Variants in PKNOX2 observed in about 807,000 individuals in gnomAD.
PKNOX2 encodes the protein homeobox protein PKNOX2.
Under a neutral mutation model 53.1 loss-of-function variants are expected in PKNOX2, and 14 were observed. That is an observed-to-expected ratio of 0.26 (90% CI 0.17 to 0.41). The LOEUF is 0.41. PKNOX2 is among the 10% of genes least tolerant of loss of function. The pLI, the probability that PKNOX2 is intolerant of heterozygous loss-of-function variation, is 1.00. For missense variants in PKNOX2, 496 were observed against 602.8 expected, an observed-to-expected ratio of 0.82 and a Z score of 1.85; for synonymous variants, 257 against 242.8, an observed-to-expected ratio of 1.06 and a Z score of -0.54.
At chr11:125,282,963 G>A (rs897783192) in intron 2 of PKNOX2, among the ~76,000 whole-genome samples, 3 of 152,070 alleles carry the variant, frequency 2.0e-5, no homozygotes, top group Non-Finnish European at 2.9e-5. Context: ...ACCAGCCAGG[G>A]CAACATGGCA....
Position 125,257,423 on chromosome 11 carries a change from G to A in PKNOX2, c.-130+22308G>A, listed in dbSNP as rs557461243. Among the ~76,000 whole-genome samples, 312 of 152,312 alleles carry A rather than the reference G, an allele frequency of 2.0e-3. 3 individuals are homozygous for A. The highest frequency in any genetic ancestry group is 0.012 in the South Asian group (60 of 4,830). On this transcript the variant is annotated intron_variant, in intron 2 of 12. Coordinates refer to ENST00000298282, the MANE Select transcript of PKNOX2 (RefSeq NM_001382323.2). The stretch of plus-strand genomic sequence containing the variant: ...AGAAGCCAAGTGCAGGGGCTGGCCA[G>A]TGAGCTGGAGGCTGTTTTCAAGACC...
chr11:125,377,302 A>C (rs533403687), intron 5 of PKNOX2, among the ~76,000 whole-genome samples: 1 of 152,260 alleles, frequency 6.6e-6, no homozygotes, highest in Non-Finnish European at 1.5e-5. Context: ...CTAAATTGTG[A>C]GTGAGGTCAA....
At chr11:125,234,861 A>T (rs1565475668) in intron 1 of PKNOX2, among the ~76,000 whole-genome samples, 184 bp from the exon 2 acceptor site, 1 of 151,750 alleles carries the variant, frequency 6.6e-6, no homozygotes, top group Non-Finnish European at 1.5e-5. Context: ...TCTCTAAACA[A>T]TAATGGTTTT....
chr11:125,395,947 GATC>G (rs1954362566), intron 6 of PKNOX2, among the ~76,000 whole-genome samples: 1 of 150,768 alleles, frequency 6.6e-6, no homozygotes, highest in African/African-American at 2.4e-5. Context: ...TTCCTCACTG[GATC>G]ATCTTTTTTT....
At chr11:125,248,071 G>C (rs1399065670) in intron 2 of PKNOX2, among the ~76,000 whole-genome samples, 1 of 152,164 alleles carries the variant, frequency 6.6e-6, no homozygotes, top group Non-Finnish European at 1.5e-5. Flanking sequence ...TCGGTCCATG[G>C]CTGATGCTTC....
chr11:125,350,160 C>T (rs1951217975), intron 3 of PKNOX2, among the ~76,000 whole-genome samples: 1 of 152,228 alleles, frequency 6.6e-6, no homozygotes. Context: ...TATCAGGCAA[C>T]TAGCCTGTGG....
Position 125,410,812 on chromosome 11 carries a change from C to A in PKNOX2, c.752C>A (p.Thr251Asn). ...GALYQPVTMVTSQGQVVTQAI... is the reference protein window; with the variant it reads ...GALYQPVTMVNSQGQVVTQAI... ...TTATACCAACCGGTTACCATGGTAA[C>A]CTCCCAGGGTCAGGTGGTCACCCAA... The change falls in exon 9 of 13, where the codon ACC (threonine) becomes AAC (asparagine). Residue 251 changes from threonine to asparagine, a missense_variant. Thr to Asn is a moderately conservative substitution (Grantham distance 65). This residue lies in a region of PKNOX2 where 141 missense variants were observed against 143.9 expected (regional missense o/e 0.98). Coordinates refer to ENST00000298282, the MANE Select transcript of PKNOX2 (RefSeq NM_001382323.2). The A allele has an allele frequency of 1.9e-6, 3 of 1,614,080 alleles. No homozygotes were observed. The highest frequency in any genetic ancestry group is 1.3e-5 in the African/African-American group (1 of 75,036).
At chr11:125,199,109 G>T (rs893997933) in intron 1 of PKNOX2, among the ~76,000 whole-genome samples, 2 of 152,128 alleles carry the variant, frequency 1.3e-5, no homozygotes, top group Non-Finnish European at 2.9e-5. Context: ...CCAAAGTGCT[G>T]GGATTCCTGG....
intron 2 of PKNOX2, among the ~76,000 whole-genome samples, chr11:125,253,505 AG>A (rs1944166097): frequency 6.6e-6 from 1 of 152,100 alleles, no homozygotes. Context: ...CGTGTCCTTC[AG>A]GGTCCCGTGC....
intron 10 of PKNOX2, among the ~76,000 whole-genome samples, chr11:125,417,726 G>A (rs1461083799): frequency 2.6e-5 from 4 of 152,040 alleles, no homozygotes; most frequent in Non-Finnish European, 4.4e-5. Context: ...GTGGAGCCCC[G>A]TCCTGGGAGA....
intron 1 of PKNOX2, among the ~76,000 whole-genome samples, chr11:125,232,629 C>T (rs567510001): frequency 6.6e-6 from 1 of 152,276 alleles, no homozygotes; most frequent in South Asian, 2.1e-4. Context: ...TCATCATTGT[C>T]GAAGTTCCTA....
At chr11:125,387,501 C>A (rs186134335) in intron 6 of PKNOX2, among the ~76,000 whole-genome samples, 106 of 152,192 alleles carry the variant, frequency 7.0e-4, no homozygotes, top group African/African-American at 2.5e-3. Flanking sequence ...TGGAAAACGC[C>A]CAGGTGGCCA....
At chr11:125,286,825 G>T (rs1222597280) in intron 2 of PKNOX2, among the ~76,000 whole-genome samples, 2 of 152,252 alleles carry the variant, frequency 1.3e-5, no homozygotes, top group Non-Finnish European at 2.9e-5. Context: ...TTGCCGTTTG[G>T]CCAGAGTCTC....
chr11:125,265,123 C>T (rs1240204937), intron 2 of PKNOX2, among the ~76,000 whole-genome samples: 2 of 152,040 alleles, frequency 1.3e-5, no homozygotes, highest in African/African-American at 4.8e-5. Context: ...CCCATCTCTA[C>T]TAAAAATACA....
Position 125,303,004 on chromosome 11 carries a change from GCCCT to G in PKNOX2, c.-129-28813_-129-28810del, listed in dbSNP as rs536279419. On this transcript the variant is annotated intron_variant, in intron 2 of 12. Coordinates refer to ENST00000298282, the MANE Select transcript of PKNOX2 (RefSeq NM_001382323.2). ...AGAGCTTAGGGCCCCAGCAGCCCCA[GCCCT>G]CTAGAAGGCCAGAAGCCACAGTGCC... is the stretch of plus-strand genomic sequence containing the variant. 6.6e-4 allele frequency among the ~76,000 whole-genome samples: 100 copies of G among 152,222 alleles called. 3 individuals carry two copies. The South Asian group carries it at 0.02, about 30-fold the overall frequency.
intron 2 of PKNOX2, among the ~76,000 whole-genome samples, chr11:125,324,346 T>A (rs1306014455): frequency 6.6e-6 from 1 of 152,226 alleles, no homozygotes; most frequent in Non-Finnish European, 1.5e-5. Context: ...TTGGATAATA[T>A]GGTTCTTCGT....
intron 1 of PKNOX2, among the ~76,000 whole-genome samples, chr11:125,229,598 AG>A (rs1297789334): frequency 6.6e-6 from 1 of 152,234 alleles, no homozygotes; most frequent in Non-Finnish European, 1.5e-5. Context: ...ATTGTGTTTT[AG>A]GAAGATTCCC....
chr11:125,411,005 C>T, intron 9 of PKNOX2, 129 bp downstream of exon 9: 1 of 754,890 alleles, frequency 1.3e-6, no homozygotes, highest in East Asian at 2.7e-5. Flanking sequence ...GGTATCATTA[C>T]CCCTACTTTA....
chr11:125,247,519 A>G (rs1943652297), intron 2 of PKNOX2, among the ~76,000 whole-genome samples: 1 of 152,182 alleles, frequency 6.6e-6, no homozygotes, highest in African/African-American at 2.4e-5. Flanking sequence ...GATTATGCCC[A>G]GTCCCTCCAC....
Sources: gnomAD v4.1 joint callset for allele counts (sites outside exome capture counted in the v4.1 genomes callset) on GRCh38, gnomAD v4.1.1 for gene constraint, gnomAD v4.1.1 regional missense constraint, MANE v1.5 for transcripts, NCBI Gene and HGNC (gene_info 2026-07-23, HGNC 2026-07-21) for gene names.